Variants in BCL10 observed in about 807,000 individuals in gnomAD.
The protein encoded by BCL10 is BCL10 immune signaling adaptor.
A neutral mutation model predicts 19.2 loss-of-function variants in BCL10; 5 were observed. The observed-to-expected ratio is 0.26, with a 90% CI of 0.14 to 0.55. The LOEUF (loss-of-function observed/expected upper bound fraction) is 0.55, where lower values mean the gene tolerates loss of function less well. Among genes scored for constraint, BCL10 ranks in the 20% least tolerant of loss-of-function variants. The probability of loss-of-function intolerance (pLI) is 0.94; values close to 1 mark genes in which losing one functional copy is unlikely to be tolerated. For missense variants in BCL10, 201 were observed against 271.9 expected (o/e 0.74, Z 1.83); for synonymous variants, 110 against 98.8 (o/e 1.11, Z -0.67).
At chr1:85,268,114 C>T (rs562300237) in intron 2 of BCL10, 132 bp from the exon 3 acceptor site, 31 of 608,060 alleles carry the variant, frequency 5.1e-5, no homozygotes, top group African/African-American at 3.1e-4. Context: ...TTGTAATTTC[C>T]GTCATAATCT....
At chr1:85,273,889 A>G (rs59827052) in intron 1 of BCL10, among the ~76,000 whole-genome samples, 3,570 of 152,216 alleles carry the variant, frequency 0.023, 102 homozygotes, top group African/African-American at 0.071. Flanking sequence ...ACTTGGGGGG[A>G]AAAAAACCCC....
Position 85,276,441 on chromosome 1 carries a change from T to TG in BCL10, c.-90dup, listed in dbSNP as rs1488076998. The TG allele has an allele frequency of 6.8e-7, 1 of 1,466,122 alleles. No individual in the cohort carries two copies. Among genetic ancestry groups the TG allele is most frequent in the Non-Finnish European group, 9.5e-7 (1 of 1,051,184 alleles). 90.8% of individuals were successfully genotyped at this position (1,466,122 alleles called of 1,614,324 possible). A position where few individuals can be genotyped will look rare whatever the true frequency, so the allele number is the denominator to read the frequency against. The stretch of plus-strand genomic sequence containing the variant: ...GCTGGGGGCTTCGGCCTCCGGGTAA[T>TG]GGGGAAGAAGGAGAGGAGGCGGAGC... On this transcript the variant is annotated 5_prime_UTR_variant, in exon 1 of 3. Coordinates refer to ENST00000648566, the MANE Select transcript of BCL10 (RefSeq NM_003921.5).
In BCL10 at chr1:85,266,794, A is replaced by C. The variant is rs1287558514; in HGVS notation, c.*833T>G. On this transcript the variant is annotated 3_prime_UTR_variant, in exon 3 of 3. Transcript: ENST00000648566. ...CTTGAGAGGCTGAGGTGAGAGGATCACGTAAGCATGGGAGGCAGAAGTTGC... is the reference window on the plus strand; with the variant it reads ...CTTGAGAGGCTGAGGTGAGAGGATCCCGTAAGCATGGGAGGCAGAAGTTGC... 5.6e-6 allele frequency: 1 copy of C among 178,776 alleles called. No homozygotes were observed. Among genetic ancestry groups the C allele is most frequent in the Non-Finnish European group, 1.2e-5 (1 of 84,672 alleles). The allele number at this position is 178,776 out of a possible 1,614,324, so 11.1% of individuals were successfully genotyped here.
rs77663629 is a variant in BCL10, at chr1:85,267,987, A to G, written c.347-5T>C. ...CACAACTGCTACATTTTAGTCCTAC[A>G]ATAAAATTATTCAGATGTAAATGAA... On this transcript the variant is annotated splice_region_variant and splice_polypyrimidine_tract_variant and intron_variant, in intron 2 of 2. Transcript: ENST00000648566. 1.3e-3 allele frequency: 2,015 copies of G among 1,511,654 alleles called. 24 individuals are homozygous for G. In the African/African-American group the frequency reaches 0.024, roughly 18 times the overall value. The allele number at this position is 1,511,654 out of a possible 1,614,324, so 93.6% of individuals were successfully genotyped here.
In BCL10 at chr1:85,267,689, TTCC is replaced by T. The variant is rs1370964248; in HGVS notation, c.637_639del (p.Gly213del). The T allele has an allele frequency of 1.9e-6, 3 of 1,614,050 alleles. No homozygotes were observed. Among genetic ancestry groups the T allele is most frequent in the East Asian group, 4.5e-5 (2 of 44,878 alleles). On this transcript the variant is annotated inframe_deletion, in exon 3 of 3. Coordinates refer to ENST00000648566, the MANE Select transcript of BCL10 (RefSeq NM_003921.5). ...AACATCTCACTAGAGTTTGCACAAG[TTCC>T]TTCTTCTTCTAACTGTAGATCTGGT... is the stretch of plus-strand genomic sequence containing the variant.
chr1:85,266,556 A>G lies in BCL10; in HGVS notation c.*1071T>C, dbSNP rs1228972248. ...TGGTCCTCATTAAAAGAGAATGAAA[A>G]GTACAGAGAAAATATTTTTTAAAAA... On this transcript the variant is annotated 3_prime_UTR_variant, in exon 3 of 3. Coordinates refer to ENST00000648566, the MANE Select transcript of BCL10 (RefSeq NM_003921.5). 3 of 182,840 alleles carry G rather than the reference A, an allele frequency of 1.6e-5. No individual in the cohort carries two copies. The highest frequency in any genetic ancestry group is 3.5e-5 in the Non-Finnish European group (3 of 85,844). 11.3% of individuals were successfully genotyped at this position (182,840 alleles called of 1,614,324 possible).
rs1306728690 is a variant in BCL10, at chr1:85,266,791, A to C, written c.*836T>G. 1 of 177,460 alleles carries C rather than the reference A, an allele frequency of 5.6e-6. No homozygotes were observed. Among genetic ancestry groups the C allele is most frequent in the Non-Finnish European group, 1.2e-5 (1 of 83,832 alleles). The allele number at this position is 177,460 out of a possible 1,614,324, so 11.0% of individuals were successfully genotyped here. A position where few individuals can be genotyped will look rare whatever the true frequency, so the allele number is the denominator to read the frequency against. On this transcript the variant is annotated 3_prime_UTR_variant, in exon 3 of 3. Coordinates refer to ENST00000648566, the MANE Select transcript of BCL10 (RefSeq NM_003921.5). Reference sequence around the variant, plus strand: ...TTACTTGAGAGGCTGAGGTGAGAGGATCACGTAAGCATGGGAGGCAGAAGT... The same window carrying C: ...TTACTTGAGAGGCTGAGGTGAGAGGCTCACGTAAGCATGGGAGGCAGAAGT...
Position 85,267,807 on chromosome 1 carries a change from C to T in BCL10, c.522G>A (p.Leu174=), listed in dbSNP as rs774139089. Residue 174 remains leucine, a synonymous_variant, in exon 3 of 3, where the codon TTG becomes TTA. Coordinates refer to ENST00000648566, the MANE Select transcript of BCL10 (RefSeq NM_003921.5). The part of the protein sequence containing the change: ...PFFSTNSSLN[L]PVLEVGRTEN... ...CAGTTCTGCCTACTTCTAGAACAGG[C>T]AAATTCAGAGAAGAATTAGTAGAAA... 2 of 1,614,062 alleles carry T rather than the reference C, an allele frequency of 1.2e-6. No homozygotes were observed. Among genetic ancestry groups the T allele is most frequent in the East Asian group, 2.2e-5 (1 of 44,878 alleles).
In BCL10 at chr1:85,270,925, G is replaced by A. The variant is rs1441594041; in HGVS notation, c.58-19C>T. Reference sequence around the variant, plus strand: ...CTAAGGCCTAAAAGACATAAAATATGGTTCAATGTTATTTTTAACATCTAA... The same window carrying A: ...CTAAGGCCTAAAAGACATAAAATATAGTTCAATGTTATTTTTAACATCTAA... On this transcript the variant is annotated intron_variant, in intron 1 of 2. Transcript: ENST00000648566. 3 of 1,586,290 alleles carry A rather than the reference G, an allele frequency of 1.9e-6. No homozygotes were observed. In the Admixed American group the frequency reaches 5.6e-5, roughly 30 times the overall value.
intron 2 of BCL10, 32 bp from the exon 3 acceptor site, chr1:85,268,014 A>C: frequency 7.1e-7 from 1 of 1,401,920 alleles, no homozygotes; most frequent in Non-Finnish European, 9.5e-7. Flanking sequence ...GTAAATGAAA[A>C]AGTAACTAAA....
intron 2 of BCL10, among the ~76,000 whole-genome samples, chr1:85,268,974 T>C (rs1009049603): frequency 1.3e-5 from 2 of 152,192 alleles, no homozygotes; most frequent in African/African-American, 4.8e-5. Context: ...TGTTGGAAAC[T>C]TGGTTGCCAC....
rs563695800 is a variant in BCL10 at position 85,272,196 on chromosome 1, C to T, written c.58-1290G>A. Among the ~76,000 whole-genome samples the T allele has an allele frequency of 4.5e-3, 688 of 152,214 alleles. 2 individuals are homozygous for T. Among genetic ancestry groups the T allele is most frequent in the Non-Finnish European group, 8.0e-3 (546 of 68,016 alleles). ...ACTTCCTTCCCCCTCCTCAACATTT[C>T]TCCTTCAGGAGAAAATGGAAATCTG... On this transcript the variant is annotated intron_variant, in intron 1 of 2. Coordinates refer to ENST00000648566, the MANE Select transcript of BCL10 (RefSeq NM_003921.5).
chr1:85,271,604 T>C (rs1262997387), intron 1 of BCL10, among the ~76,000 whole-genome samples: 1 of 152,216 alleles, frequency 6.6e-6, no homozygotes, highest in East Asian at 1.9e-4. Context: ...CATGTTGATC[T>C]CAATAAATGG....
chr1:85,276,584 G>C lies in BCL10; in HGVS notation c.-232C>G, dbSNP rs747132908. Reference sequence around the variant, plus strand: ...ACGCGAATCTACGCGACGCGACGCGGAGCTCGGAGCAGCGTTCCTTCCCTC... The same window carrying C: ...ACGCGAATCTACGCGACGCGACGCGCAGCTCGGAGCAGCGTTCCTTCCCTC... On this transcript the variant is annotated 5_prime_UTR_variant, in exon 1 of 3. Coordinates refer to ENST00000648566, the MANE Select transcript of BCL10 (RefSeq NM_003921.5). 1.0e-5 allele frequency: 6 copies of C among 594,456 alleles called. No individual in the cohort carries two copies. The allele number at this position is 594,456 out of a possible 1,614,324, so 36.8% of individuals were successfully genotyped here.
chr1:85,268,505 C>T (rs1660266414), intron 2 of BCL10, among the ~76,000 whole-genome samples: 7 of 152,142 alleles, frequency 4.6e-5, no homozygotes, highest in Admixed American at 4.6e-4. Flanking sequence ...CATGGTGGCT[C>T]ACGCCTGTAA....
Position 85,272,149 on chromosome 1 carries a change from T to C in BCL10, c.58-1243A>G, listed in dbSNP as rs905489489. Among the ~76,000 whole-genome samples the C allele has an allele frequency of 3.4e-4, 51 of 152,192 alleles. 1 individual carries two copies. Among genetic ancestry groups the C allele is most frequent in the African/African-American group, 8.7e-4 (36 of 41,436 alleles). ...CATATCTGGCATGGACTATTAACAATAGAAACCTAGCTGCACTTACTACTT... is the reference window on the plus strand; with the variant it reads ...CATATCTGGCATGGACTATTAACAACAGAAACCTAGCTGCACTTACTACTT... On this transcript the variant is annotated intron_variant, in intron 1 of 2. Coordinates refer to ENST00000648566, the MANE Select transcript of BCL10 (RefSeq NM_003921.5).
At chr1:85,268,962 CAT>C (rs1295760574) in intron 2 of BCL10, among the ~76,000 whole-genome samples, 1 of 152,208 alleles carries the variant, frequency 6.6e-6, no homozygotes, top group Non-Finnish European at 1.5e-5. Flanking sequence ...CAAAAGTTCA[CAT>C]GTTGGAAACT....
At position 85,267,824 on chromosome 1, in the gene BCL10, T is replaced by G. The variant is rs760267922; in HGVS notation, c.505A>C (p.Asn169His). ...AGAACAGGCAAATTCAGAGAAGAATTAGTAGAAAAAAAGGGCGTCGTGCTG... is the reference window on the plus strand; with the variant it reads ...AGAACAGGCAAATTCAGAGAAGAATGAGTAGAAAAAAAGGGCGTCGTGCTG... ...ESSTTPFFST[N>H]SSLNLPVLEV... is the part of the protein sequence containing the mutation. Residue 169 changes from asparagine (N) to histidine (H), a missense_variant, in exon 3 of 3, where the codon AAT (asparagine) becomes CAT (histidine). By Grantham distance (68) the Asn-to-His change is moderately conservative. Transcript: ENST00000648566. 7.4e-6 allele frequency: 12 copies of G among 1,614,162 alleles called. No individual in the cohort carries two copies. Among genetic ancestry groups the G allele is most frequent in the Non-Finnish European group, 1.0e-5 (12 of 1,180,014 alleles).
chr1:85,276,317 G>T lies in BCL10; in HGVS notation c.36C>A (p.Asp12Glu), dbSNP rs1409773736. 5 of 1,613,442 alleles carry T rather than the reference G, an allele frequency of 3.1e-6. No individual in the cohort carries two copies. Among genetic ancestry groups the T allele is most frequent in the Non-Finnish European group, 4.2e-6 (5 of 1,179,624 alleles). ...TCACGTCCTTCTTCACTTCAGTGAG[G>T]TCCTCCTCGGTGAGGGACGGTGCGG... Reference protein sequence around the residue: ...EPTAPSLTEEDLTEVKKDALE... With the variant: ...EPTAPSLTEEELTEVKKDALE... Residue 12 changes from aspartate (D) to glutamate (E), a missense_variant, in exon 1 of 3, where the codon GAC (aspartate) becomes GAA (glutamate). Physicochemically the swap from Asp to Glu is conservative, Grantham distance 45. Coordinates refer to ENST00000648566, the MANE Select transcript of BCL10 (RefSeq NM_003921.5).
Sources: gnomAD v4.1 joint callset for allele counts (sites outside exome capture counted in the v4.1 genomes callset) on GRCh38, gnomAD v4.1.1 for gene constraint, MANE v1.5 for transcripts, NCBI Gene and HGNC (gene_info 2026-07-23, HGNC 2026-07-21) for gene names.